SGIP1: variants seen among roughly 807,000 people sequenced by gnomAD.
SGIP1 encodes SH3GL interacting endocytic adaptor 1, also known as SH3-containing GRB2-like protein 3-interacting protein 1.
A neutral mutation model predicts 107.5 loss-of-function variants in SGIP1; 38 were observed. The observed-to-expected ratio is 0.35, with a 90% CI of 0.27 to 0.46. SGIP1 has a LOEUF of 0.46. Ranked by LOEUF, SGIP1 falls within the 20% of genes least tolerant of loss-of-function variation. The pLI, the probability that SGIP1 is intolerant of heterozygous loss-of-function variation, is 1.00. For synonymous variants in SGIP1, 365 were observed against 366.1 expected (o/e 1.00, Z 0.03); for missense variants, 929 against 1,019.5 (o/e 0.91, Z 1.21).
intron 6 of SGIP1, 40 bp from the exon 7 acceptor site, chr1:66,643,504 C>T (rs760197722): frequency 1.3e-5 from 20 of 1,556,158 alleles, no homozygotes; most frequent in Non-Finnish European, 1.7e-5. Context: ...CGTTGCCTCC[C>T]AGTAGAAGAA....
In SGIP1 at chr1:66,534,252, G is replaced by A. The variant is rs770612249; in HGVS notation, c.-107G>A. Reference sequence around the variant, plus strand: ...TCTCCTTTGGCTTTGACAGCGGACGGAATAGACCTCAGCAGCGGCGTGGTG... The same window carrying A: ...TCTCCTTTGGCTTTGACAGCGGACGAAATAGACCTCAGCAGCGGCGTGGTG... On this transcript the variant is annotated 5_prime_UTR_variant, in exon 1 of 25. Coordinates refer to ENST00000371037, the MANE Select transcript of SGIP1 (RefSeq NM_032291.4). The A allele has an allele frequency of 4.9e-5, 59 of 1,215,816 alleles. No individual in the cohort carries two copies. In the Middle Eastern group the frequency reaches 7.5e-4, roughly 16 times the overall value. The allele number at this position is 1,215,816 out of a possible 1,614,324, so 75.3% of individuals were successfully genotyped here.
intron 22 of SGIP1, 49 bp downstream of exon 22, chr1:66,739,586 G>C (rs1276350073): frequency 1.3e-6 from 2 of 1,584,430 alleles, no homozygotes; most frequent in Non-Finnish European, 1.7e-6. Context: ...TGGGTCAAGA[G>C]GTCACAGACT....
At chr1:66,676,861 C>T (rs2085491250) in intron 12 of SGIP1, 143 bp from the exon 13 acceptor site, 1 of 635,088 alleles carries the variant, frequency 1.6e-6, no homozygotes, top group Non-Finnish European at 2.7e-6. Flanking sequence ...GAATAAGGAG[C>T]AGCACATTCC....
chr1:66,694,752 T>C (rs2090536890), intron 17 of SGIP1: 3 of 383,594 alleles, frequency 7.8e-6, no homozygotes, highest in African/African-American at 6.2e-5. Context: ...GGTGAGATGC[T>C]ATTGCTTTGT....
At chr1:66,646,213 A>G (rs1453450491) in intron 7 of SGIP1, among the ~76,000 whole-genome samples, 1 of 152,124 alleles carries the variant, frequency 6.6e-6, no homozygotes, top group Non-Finnish European at 1.5e-5. Flanking sequence ...ATAACCTAAA[A>G]TCCAGCTGGT....
At chr1:66,539,591 A>G (rs1264604390) in intron 1 of SGIP1, among the ~76,000 whole-genome samples, 1 of 152,218 alleles carries the variant, frequency 6.6e-6, no homozygotes. Context: ...AAGACCCTGC[A>G]TGCTCTGGCC....
chr1:66,542,811 G>T (rs1229414484), intron 1 of SGIP1, among the ~76,000 whole-genome samples: 1 of 152,044 alleles, frequency 6.6e-6, no homozygotes, highest in East Asian at 1.9e-4. Flanking sequence ...AGGAAACTAG[G>T]GCCCACTAAG....
chr1:66,640,665 G>A (rs534398851), intron 5 of SGIP1, among the ~76,000 whole-genome samples: 1 of 152,086 alleles, frequency 6.6e-6, no homozygotes, highest in African/African-American at 2.4e-5. Flanking sequence ...AGGGGCAGGA[G>A]CCAGCCCTGC....
At chr1:66,676,932 T>C in intron 12 of SGIP1, 72 bp from the exon 13 acceptor site, 1 of 1,270,126 alleles carries the variant, frequency 7.9e-7, no homozygotes, top group South Asian at 1.4e-5. Flanking sequence ...CAACTTGAAA[T>C]CGAAATTTTA....
At chr1:66,566,015 G>T (rs954255935) in intron 1 of SGIP1, among the ~76,000 whole-genome samples, 1 of 109,704 alleles carries the variant, frequency 9.1e-6, no homozygotes, top group Non-Finnish European at 2.0e-5. Context: ...AATATTTTAG[G>T]TCCTTACGGC....
chr1:66,689,541 C>A (rs1308970203), intron 16 of SGIP1, among the ~76,000 whole-genome samples: 3 of 152,164 alleles, frequency 2.0e-5, no homozygotes, highest in Non-Finnish European at 2.9e-5. Context: ...ACGATAGTAA[C>A]ATTCATAGAA....
chr1:66,696,041 C>T (rs1414755995), intron 18 of SGIP1, among the ~76,000 whole-genome samples: 1 of 152,138 alleles, frequency 6.6e-6, no homozygotes, highest in Non-Finnish European at 1.5e-5. Context: ...TGTTCTGCGT[C>T]TCCTGAAATT....
chr1:66,726,737 G>C (rs951704801), intron 19 of SGIP1, among the ~76,000 whole-genome samples: 1 of 152,194 alleles, frequency 6.6e-6, no homozygotes, highest in Non-Finnish European at 1.5e-5. Flanking sequence ...TATATACATT[G>C]TAAGACTAAA....
intron 1 of SGIP1, among the ~76,000 whole-genome samples, chr1:66,591,366 A>G (rs1172516991): frequency 6.6e-6 from 1 of 152,224 alleles, no homozygotes; most frequent in Admixed American, 6.5e-5. Context: ...TAGGTGATGA[A>G]CACAGATTCT....
At chr1:66,562,969 A>G (rs2059162798) in intron 1 of SGIP1, among the ~76,000 whole-genome samples, 1 of 151,948 alleles carries the variant, frequency 6.6e-6, no homozygotes, top group Non-Finnish European at 1.5e-5. Flanking sequence ...TTCCATATTT[A>G]TTGTTGCTGT....
intron 21 of SGIP1, among the ~76,000 whole-genome samples, chr1:66,738,446 A>G (rs187113131): frequency 6.6e-6 from 1 of 152,362 alleles, no homozygotes; most frequent in East Asian, 1.9e-4. Context: ...TTTCTTAGAC[A>G]CCTATTCACC....
intron 18 of SGIP1, among the ~76,000 whole-genome samples, chr1:66,715,596 C>T (rs915238977): frequency 6.6e-6 from 1 of 152,024 alleles, no homozygotes; most frequent in African/African-American, 2.4e-5. Flanking sequence ...TTGCCATCTG[C>T]GAGCTTTAAA....
intron 1 of SGIP1, among the ~76,000 whole-genome samples, chr1:66,591,251 G>A (rs1247733014): frequency 6.6e-6 from 1 of 152,130 alleles, no homozygotes; most frequent in African/African-American, 2.4e-5. Flanking sequence ...CTGCTAACAA[G>A]GTATCTTGAT....
chr1:66,717,002 C>T (rs1437888087), intron 18 of SGIP1, among the ~76,000 whole-genome samples: 1 of 152,118 alleles, frequency 6.6e-6, no homozygotes, highest in Non-Finnish European at 1.5e-5. Context: ...TCCTTCTACA[C>T]TTAGTAAGAT....
Sources: gnomAD v4.1 joint callset for allele counts (sites outside exome capture counted in the v4.1 genomes callset) on GRCh38, gnomAD v4.1.1 for gene constraint, MANE v1.5 for transcripts, NCBI Gene and HGNC (gene_info 2026-07-23, HGNC 2026-07-21) for gene names.